The following CEP63 variants were observed in gnomAD, a reference collection of about 807,000 sequenced individuals.
The protein encoded by CEP63 is centrosomal protein of 63 kDa.
CEP63 carries 84 observed loss-of-function variants against 89.1 expected under a neutral mutation model. That is an observed-to-expected ratio of 0.94 (90% CI 0.79 to 1.13). The LOEUF (loss-of-function observed/expected upper bound fraction) is 1.13. CEP63 is among the 50% of genes most tolerant of loss of function. The pLI is 0.00. For synonymous variants in CEP63, 267 were observed against 272.5 expected (o/e 0.98, Z 0.20); for missense variants, 838 against 813.3 (o/e 1.03, Z -0.37).
At position 134,558,232 on chromosome 3, in the gene CEP63, T is replaced by C. The variant is rs934666528; in HGVS notation, c.1558T>C (p.Leu520=). The C allele has an allele frequency of 4.2e-5, 68 of 1,613,556 alleles. No homozygotes were observed. Among genetic ancestry groups the C allele is most frequent in the Non-Finnish European group, 5.4e-5 (64 of 1,179,712 alleles). The part of the protein sequence containing the change: ...VSENQQLQKD[L]MNTKSQLEIS... The stretch of plus-strand genomic sequence containing the variant: ...TGAAAATCAACAACTACAGAAAGAT[T>C]TGATGAATACCAAATCTCAGCTGGA... Residue 520 remains leucine (L), a synonymous_variant, in exon 13 of 15, where the codon TTG becomes CTG. Coordinates refer to ENST00000675561, the MANE Select transcript of CEP63 (RefSeq NM_001353108.3).
chr3:134,623,207 C>G, the CEP63 span, among the ~76,000 whole-genome samples: 1 of 152,232 alleles, frequency 6.6e-6, no homozygotes, highest in African/African-American at 2.4e-5. Flanking sequence ...ACTCCCTGCT[C>G]TGTGGCTGGG....
chr3:134,601,753 G>C, the CEP63 span, among the ~76,000 whole-genome samples: 5 of 152,252 alleles, frequency 3.3e-5, no homozygotes, highest in African/African-American at 1.2e-4. Flanking sequence ...CCTGTTGGAT[G>C]ATGGGCACCC....
chr3:134,616,542 A>T, the CEP63 span, among the ~76,000 whole-genome samples: 1 of 152,234 alleles, frequency 6.6e-6, no homozygotes, highest in Non-Finnish European at 1.5e-5. Context: ...GAAACAGTTA[A>T]AGGAATTCAG....
At chr3:134,607,726 A>G in the CEP63 span, 3 of 985,668 alleles carry the variant, frequency 3.0e-6, no homozygotes, top group African/African-American at 1.7e-5. Context: ...CTCAGCTGCC[A>G]TGGCTCCGTG....
chr3:134,529,336 T>C (rs1949378865), intron 3 of CEP63, among the ~76,000 whole-genome samples: 1 of 119,240 alleles, frequency 8.4e-6, no homozygotes, highest in African/African-American at 3.1e-5. Flanking sequence ...AAATCCCCAT[T>C]GACTTTTTTT....
In CEP63 at chr3:134,537,210, A is replaced by C; in HGVS notation, c.497A>C (p.Gln166Pro). Reference sequence around the variant, plus strand: ...AAGCAACGCTTGATTTATCAGCAACAGGTATCTTCACTGGAGGCACAAAGG... The same window carrying C: ...AAGCAACGCTTGATTTATCAGCAACCGGTATCTTCACTGGAGGCACAAAGG... The part of the protein sequence containing the change: ...WEKQRLIYQQ[Q>P]VSSLEAQRKA... The change falls in exon 6 of 15, where the codon CAG becomes CCG. Residue 166 changes from glutamine to proline, a missense_variant. By Grantham distance (76) the Gln-to-Pro change is moderately conservative. Transcript: ENST00000675561. 6.2e-7 allele frequency: 1 copy of C among 1,614,076 alleles called. No homozygotes were observed. Among genetic ancestry groups the C allele is most frequent in the Non-Finnish European group, 8.5e-7 (1 of 1,179,896 alleles).
At chr3:134,641,501 T>C in the CEP63 span, among the ~76,000 whole-genome samples, 11 of 152,246 alleles carry the variant, frequency 7.2e-5, no homozygotes, top group Admixed American at 1.3e-4. Context: ...ATGGTGGGCC[T>C]GCAGCCTCTA....
In CEP63 at chr3:134,561,387, C is replaced by G. The variant is rs1353711840; in HGVS notation, c.1964C>G (p.Pro655Arg). Reference protein sequence around the residue: ...QEEFISSCSLPVSPLGSIATR... With the variant: ...QEEFISSCSLRVSPLGSIATR... ...TTGTGTCTCTTCCAGTGTTCCTTGC[C>G]TGTATCTCCCCTTGGTTCAATAGCT... is the stretch of plus-strand genomic sequence containing the variant. Residue 655 changes from proline to arginine, a missense_variant, in exon 15 of 15, where the codon CCT (proline) becomes CGT (arginine). Transcript: ENST00000675561. The G allele has an allele frequency of 6.2e-7, 1 of 1,613,800 alleles. No homozygotes were observed. Among genetic ancestry groups the G allele is most frequent in the Admixed American group, 1.7e-5 (1 of 60,012 alleles).
the CEP63 span, among the ~76,000 whole-genome samples, chr3:134,677,116 A>G: frequency 0.019 from 2,833 of 152,252 alleles, 86 homozygotes; most frequent in African/African-American, 0.065. Context: ...GCGTGCCTGT[A>G]ATCCCAGCTA....
At chr3:134,728,660 C>T in the CEP63 span, among the ~76,000 whole-genome samples, 10 of 152,138 alleles carry the variant, frequency 6.6e-5, no homozygotes. Context: ...ATGGAGTATA[C>T]TGCAGGTGTT....
At chr3:134,772,116 C>A in the CEP63 span, among the ~76,000 whole-genome samples, 4 of 152,194 alleles carry the variant, frequency 2.6e-5, no homozygotes, top group Admixed American at 2.0e-4. Flanking sequence ...CAGACACAGG[C>A]AGGCTGAGCA....
chr3:134,781,859 GTCCTCT>G, the CEP63 span, among the ~76,000 whole-genome samples: 5 of 151,930 alleles, frequency 3.3e-5, no homozygotes, highest in Non-Finnish European at 7.4e-5. Context: ...CTTTCTTTCT[GTCCTCT>G]CCTTATATTT....
chr3:134,763,219 A>T, the CEP63 span, among the ~76,000 whole-genome samples: 1 of 151,996 alleles, frequency 6.6e-6, no homozygotes, highest in Non-Finnish European at 1.5e-5. Flanking sequence ...TCCAAATGCT[A>T]TCCCTCCCCG....
chr3:134,529,291 A>AT (rs1292766176), intron 3 of CEP63, among the ~76,000 whole-genome samples: 1 of 144,460 alleles, frequency 6.9e-6, no homozygotes. Context: ...AAACATACAG[A>AT]TTTTTTCCAA....
the CEP63 span, among the ~76,000 whole-genome samples, chr3:134,770,636 T>C: frequency 6.6e-6 from 1 of 152,230 alleles, no homozygotes; most frequent in African/African-American, 2.4e-5. Context: ...CCATTCAAAA[T>C]GCTTTTACTT....
the CEP63 span, among the ~76,000 whole-genome samples, chr3:134,722,289 TACAGTATTCTCCTATACTGTATATATAC>T: frequency 8.3e-3 from 834 of 100,828 alleles, 2 homozygotes; most frequent in South Asian, 0.017. Flanking sequence ...ATATATACAG[TACAGTATTCTCCTATACTGTATATATAC>T]AGTACAGTAT....
chr3:134,759,599 G>A, the CEP63 span, among the ~76,000 whole-genome samples: 1 of 152,190 alleles, frequency 6.6e-6, no homozygotes, highest in African/African-American at 2.4e-5. Context: ...TGGCTAAAGT[G>A]GTGGCTGCTA....
the CEP63 span, among the ~76,000 whole-genome samples, chr3:134,675,118 T>C: frequency 8.5e-5 from 13 of 152,244 alleles, no homozygotes; most frequent in African/African-American, 2.9e-4. Context: ...GGAGAACTCA[T>C]ACTTTACAGT....
the CEP63 span, among the ~76,000 whole-genome samples, chr3:134,701,390 A>G: frequency 0.013 from 198 of 15,338 alleles, 48 homozygotes; most frequent in South Asian, 0.07. Flanking sequence ...ATACGTATAT[A>G]TGTGTATATA....
Sources: allele counts gnomAD v4.1 joint callset (sites outside exome capture counted in the v4.1 genomes callset), GRCh38; gene constraint gnomAD v4.1.1; transcripts MANE v1.5; gene names NCBI Gene and HGNC (gene_info 2026-07-23, HGNC 2026-07-21).